ETS1: variants seen among roughly 807,000 people sequenced by gnomAD.
ETS1 encodes the protein ETS proto-oncogene 1, transcription factor, also known as protein C-ets-1.
In ETS1, 15 loss-of-function variants were observed where a neutral mutation model predicts 58.6. That is an observed-to-expected ratio of 0.26 (90% confidence interval 0.17 to 0.39). The LOEUF (loss-of-function observed/expected upper bound fraction) is 0.39, where lower values mean the gene tolerates loss of function less well. Among genes scored for constraint, ETS1 ranks in the 10% least tolerant of loss-of-function variants. The probability of loss-of-function intolerance (pLI) is 1.00; values close to 1 mark genes in which losing one functional copy is unlikely to be tolerated. For synonymous variants in ETS1, 214 were observed against 218.2 expected (o/e 0.98, Z 0.17); for missense variants, 417 against 610.5 (o/e 0.68, Z 3.34).
intron 8 of ETS1, among the ~76,000 whole-genome samples, chr11:128,467,167 G>T (rs1317072034): frequency 6.6e-6 from 1 of 152,180 alleles, no homozygotes; most frequent in Admixed American, 6.5e-5. Flanking sequence ...CAGGGTGGGC[G>T]CAGTTCCTGG....
chr11:128,503,452 G>A (rs142434379), intron 3 of ETS1, among the ~76,000 whole-genome samples: 11 of 152,238 alleles, frequency 7.2e-5, no homozygotes, highest in Non-Finnish European at 1.0e-4. Flanking sequence ...TGGAGGGTGC[G>A]CTCATAAACT....
intron 8 of ETS1, among the ~76,000 whole-genome samples, chr11:128,467,240 A>G (rs1862064029): frequency 6.6e-6 from 1 of 152,128 alleles, no homozygotes. Context: ...CCCTCACTTC[A>G]GGTCTGGGAG....
rs939482555 is a variant in ETS1 at position 128,460,921 on chromosome 11, C to G, written c.*1440G>C. ...ACCTGTGCCATTCATTTTGCATACACAGTCTCACCTGACATCCTACCGGAC... is the reference window on the plus strand; with the variant it reads ...ACCTGTGCCATTCATTTTGCATACAGAGTCTCACCTGACATCCTACCGGAC... On this transcript the variant is annotated 3_prime_UTR_variant, in exon 10 of 10. Coordinates refer to ENST00000392668, the MANE Select transcript of ETS1 (RefSeq NM_001143820.2). The G allele has an allele frequency of 6.6e-6, 1 of 152,352 alleles. No individual in the cohort carries two copies. Among genetic ancestry groups the G allele is most frequent in the Non-Finnish European group, 1.5e-5 (1 of 68,046 alleles). The allele number at this position is 152,352 out of a possible 1,614,324, so 9.4% of individuals were successfully genotyped here.
intron 2 of ETS1, among the ~76,000 whole-genome samples, chr11:128,566,715 A>G (rs4937350): frequency 0.91 from 138,541 of 151,754 alleles, 63,454 homozygotes; most frequent in East Asian, 0.99. Context: ...TCTGGGGGGC[A>G]GAGCCTGCTG....
At chr11:128,560,112 CT>C (rs1193165051) in intron 2 of ETS1, among the ~76,000 whole-genome samples, 216 of 146,402 alleles carry the variant, frequency 1.5e-3, no homozygotes, top group East Asian at 0.012. Flanking sequence ...AGATGGTCTC[CT>C]TTTTTTTTTT....
At chr11:128,541,024 T>A (rs1316628444) in intron 3 of ETS1, among the ~76,000 whole-genome samples, 3 of 152,192 alleles carry the variant, frequency 2.0e-5, no homozygotes, top group Non-Finnish European at 4.4e-5. Context: ...TAAGTTTGGA[T>A]GAATGAGTGC....
chr11:128,541,532 CCATAA>C (rs1864057762), intron 3 of ETS1, among the ~76,000 whole-genome samples: 1 of 152,170 alleles, frequency 6.6e-6, no homozygotes, highest in South Asian at 2.1e-4. Context: ...ATGAGAGGAA[CCATAA>C]CACAAAAAGT....
intron 3 of ETS1, among the ~76,000 whole-genome samples, chr11:128,510,371 T>C (rs1863360291): frequency 6.6e-6 from 1 of 152,198 alleles, no homozygotes; most frequent in African/African-American, 2.4e-5. Context: ...ATCTGGTGGC[T>C]TAAGGTAAAG....
chr11:128,539,801 A>G (rs560695502), intron 3 of ETS1, among the ~76,000 whole-genome samples: 2 of 152,344 alleles, frequency 1.3e-5, no homozygotes, highest in South Asian at 4.1e-4. Context: ...ATAAAAGGAT[A>G]TACTGATGCC....
At chr11:128,475,744 G>T (rs1168413752) in intron 8 of ETS1, among the ~76,000 whole-genome samples, 1 of 151,960 alleles carries the variant, frequency 6.6e-6, no homozygotes, top group Non-Finnish European at 1.5e-5. Flanking sequence ...GTAGAGACGG[G>T]GTTTCACTGT....
At chr11:128,480,546 T>C (rs1862456739) in intron 7 of ETS1, 95 bp from the exon 8 acceptor site, 1 of 815,692 alleles carries the variant, frequency 1.2e-6, no homozygotes, top group Non-Finnish European at 2.0e-6. Context: ...GACAGATTGC[T>C]AATCAGATCT....
At chr11:128,527,939 C>T (rs1365068079) in intron 3 of ETS1, among the ~76,000 whole-genome samples, 1 of 152,156 alleles carries the variant, frequency 6.6e-6, no homozygotes, top group East Asian at 1.9e-4. Context: ...AAATCAATTG[C>T]CCCAAAAGAC....
At chr11:128,492,806 G>A (rs1323427684) in intron 3 of ETS1, among the ~76,000 whole-genome samples, 1 of 152,162 alleles carries the variant, frequency 6.6e-6, no homozygotes, top group African/African-American at 2.4e-5. Context: ...TTACTTTAGA[G>A]AAAAGGGCTC....
At chr11:128,493,236 A>G (rs1289912897) in intron 3 of ETS1, among the ~76,000 whole-genome samples, 1 of 152,206 alleles carries the variant, frequency 6.6e-6, no homozygotes, top group African/African-American at 2.4e-5. Context: ...ACAGCCAAGG[A>G]CGACAGCAGA....
intron 8 of ETS1, among the ~76,000 whole-genome samples, chr11:128,477,166 T>A (rs1170336853): frequency 6.6e-6 from 1 of 152,216 alleles, no homozygotes; most frequent in African/African-American, 2.4e-5. Flanking sequence ...TCTTCCCAGC[T>A]TGGAGAATCT....
At chr11:128,541,783 C>A (rs961874939) in intron 3 of ETS1, among the ~76,000 whole-genome samples, 10 of 152,052 alleles carry the variant, frequency 6.6e-5, no homozygotes, top group Non-Finnish European at 1.5e-4. Flanking sequence ...AGGACAAAGC[C>A]CCTGACCTCA....
chr11:128,529,110 A>G (rs895994274), intron 3 of ETS1: 1 of 152,198 alleles, frequency 6.6e-6, no homozygotes, highest in Non-Finnish European at 1.5e-5. Flanking sequence ...TGCTATATAC[A>G]TTATTTGTAA....
intron 1 of ETS1, among the ~76,000 whole-genome samples, chr11:128,585,363 G>GGAA (rs1201264226): frequency 9.2e-5 from 14 of 151,904 alleles, no homozygotes; most frequent in Non-Finnish European, 1.5e-4. Context: ...AAGGAAGGAA[G>GGAA]GGTCCCAGCT....
In ETS1 at chr11:128,459,383, T is replaced by G. The variant is rs905768441; in HGVS notation, c.*2978A>C. The G allele has an allele frequency of 6.6e-6, 1 of 152,648 alleles. No homozygotes were observed. The highest frequency in any genetic ancestry group is 2.4e-5 in the African/African-American group (1 of 41,380). The allele number at this position is 152,648 out of a possible 1,614,324, so 9.5% of individuals were successfully genotyped here. A position where few individuals can be genotyped will look rare whatever the true frequency, so the allele number is the denominator to read the frequency against. On this transcript the variant is annotated 3_prime_UTR_variant, in exon 10 of 10. Coordinates refer to ENST00000392668, the MANE Select transcript of ETS1 (RefSeq NM_001143820.2). Reference sequence around the variant, plus strand: ...CAGGTTAATGCTGTAAAACCCAGAGTGTTCATCTCCAAAGTGAGGAAAAGC... The same window carrying G: ...CAGGTTAATGCTGTAAAACCCAGAGGGTTCATCTCCAAAGTGAGGAAAAGC...
Sources: allele counts gnomAD v4.1 joint callset (sites outside exome capture counted in the v4.1 genomes callset), GRCh38; gene constraint gnomAD v4.1.1; transcripts MANE v1.5; gene names NCBI Gene and HGNC (gene_info 2026-07-23, HGNC 2026-07-21).